The following ATP2C1 variants were observed in gnomAD, a reference collection of about 807,000 sequenced individuals.
ATP2C1 encodes the protein calcium-transporting ATPase type 2C member 1.
ATP2C1 carries 31 observed loss-of-function variants against 120.5 expected under a neutral mutation model. The observed-to-expected ratio is 0.26, with a 90% CI of 0.19 to 0.35. The LOEUF is 0.35. ATP2C1 is among the 10% of genes least tolerant of loss of function. The probability of loss-of-function intolerance (pLI) is 1.00; values close to 1 mark genes in which losing one functional copy is unlikely to be tolerated. For synonymous variants in ATP2C1, 351 were observed against 358.7 expected (o/e 0.98, Z 0.24); for missense variants, 731 against 1,107.5 (o/e 0.66, Z 4.83).
chr3:130,944,565 A>G (rs774496422), intron 8 of ATP2C1, among the ~76,000 whole-genome samples: 1 of 152,176 alleles, frequency 6.6e-6, no homozygotes, highest in Non-Finnish European at 1.5e-5. Flanking sequence ...GACCGCATCT[A>G]ACCCTGATTA....
chr3:130,955,856 A>G (rs767448545), intron 10 of ATP2C1: 13 of 387,994 alleles, frequency 3.4e-5, no homozygotes, highest in Non-Finnish European at 6.3e-5. Flanking sequence ...AAGCATAGAG[A>G]GAACGGACCT....
At chr3:130,967,996 T>C (rs7648090) in intron 16 of ATP2C1, among the ~76,000 whole-genome samples, 21 of 152,176 alleles carry the variant, frequency 1.4e-4, no homozygotes, top group African/African-American at 5.1e-4. Context: ...GTCCAGCCTG[T>C]CACTCATAAC....
chr3:130,962,443 A>G (rs2060860571), intron 12 of ATP2C1, among the ~76,000 whole-genome samples: 1 of 151,948 alleles, frequency 6.6e-6, no homozygotes, highest in South Asian at 2.1e-4. Context: ...TGAAATCAAT[A>G]TTTATAAGAT....
chr3:130,934,051 T>C (rs1400353119), intron 4 of ATP2C1, among the ~76,000 whole-genome samples: 1 of 152,220 alleles, frequency 6.6e-6, no homozygotes, highest in Admixed American at 6.5e-5. Flanking sequence ...AAATGCTTTC[T>C]GATCAGGTTG....
Position 130,967,133 on chromosome 3 carries a change from T to C in ATP2C1, c.1123-12T>C. On this transcript the variant is annotated splice_polypyrimidine_tract_variant and intron_variant, in intron 14 of 27. Transcript: ENST00000510168. ...AGTGTTTGTATTATTGATCCCACTT[T>C]GTGATCTTTAGGTTACTGGAGTTGG... 8 of 1,602,980 alleles carry C rather than the reference T, an allele frequency of 5.0e-6. No individual in the cohort carries two copies. Among genetic ancestry groups the C allele is most frequent in the Non-Finnish European group, 6.8e-6 (8 of 1,169,966 alleles).
At chr3:130,864,932 A>G (rs951682125) in intron 1 of ATP2C1, among the ~76,000 whole-genome samples, 20 of 152,276 alleles carry the variant, frequency 1.3e-4, no homozygotes, top group African/African-American at 4.3e-4. Flanking sequence ...CAGAGTCCCT[A>G]CTGGGGCACT....
At chr3:130,975,580 A>G (rs1362427389) in intron 18 of ATP2C1, 92 bp downstream of exon 18, 22 of 1,399,568 alleles carry the variant, frequency 1.6e-5, no homozygotes, top group East Asian at 9.9e-5. Flanking sequence ...GAGCTGTCCA[A>G]CTCACTTCCA....
Position 131,002,056 on chromosome 3 carries a change from C to T in ATP2C1, c.*706C>T, listed in dbSNP as rs1164084998. On this transcript the variant is annotated 3_prime_UTR_variant, in exon 28 of 28. Transcript: ENST00000510168. ...GGTATGTCTTTGGTTTGGCAGAATT[C>T]ATGCAGGGCTATCAAGTGGTGTTCT... The T allele has an allele frequency of 1.0e-6, 1 of 985,456 alleles. No individual in the cohort carries two copies. Among genetic ancestry groups the T allele is most frequent in the Non-Finnish European group, 1.2e-6 (1 of 829,854 alleles). The allele number at this position is 985,456 out of a possible 1,614,324, so 61.0% of individuals were successfully genotyped here.
rs114586988 is a variant in ATP2C1, at chr3:131,008,685, A to G, written c.2630-7467A>G. On this transcript the variant is annotated intron_variant, in intron 26 of 26. Transcript: ENST00000328560. ...GTAGAAAGTTTGCCTACTCATTTAG[A>G]TATTCAAAAAGAGGAAAATAGGCCC... 2.1e-3 allele frequency among the ~76,000 whole-genome samples: 318 copies of G among 152,270 alleles called. 1 individual carries two copies. Among genetic ancestry groups the G allele is most frequent in the African/African-American group, 7.2e-3 (301 of 41,556 alleles).
At chr3:130,952,041 A>G (rs1327519150) in intron 8 of ATP2C1, among the ~76,000 whole-genome samples, 1 of 152,118 alleles carries the variant, frequency 6.6e-6, no homozygotes, top group African/African-American at 2.4e-5. Context: ...TTTACATGAA[A>G]TCCACTCTCC....
chr3:130,900,738 C>T (rs545185679), intron 2 of ATP2C1, among the ~76,000 whole-genome samples: 2 of 152,192 alleles, frequency 1.3e-5, no homozygotes, highest in Non-Finnish European at 2.9e-5. Context: ...TTCTGTTATT[C>T]TCTGCCTAAG....
chr3:130,858,184 C>T (rs1338245735), intron 1 of ATP2C1, among the ~76,000 whole-genome samples: 2 of 152,112 alleles, frequency 1.3e-5, no homozygotes, highest in African/African-American at 4.8e-5. Context: ...TCTGCCTCTC[C>T]CTGTCCACTG....
intron 8 of ATP2C1, among the ~76,000 whole-genome samples, chr3:130,942,716 G>T (rs2059976628): frequency 6.6e-6 from 1 of 152,168 alleles, no homozygotes; most frequent in Non-Finnish European, 1.5e-5. Flanking sequence ...TATTGCAAGT[G>T]TTACTAATTT....
upstream of ATP2C1, among the ~76,000 whole-genome samples, chr3:130,891,839 C>CA (rs1288045345): frequency 1.3e-5 from 2 of 152,016 alleles, no homozygotes; most frequent in African/African-American, 4.8e-5. Flanking sequence ...GTGTGTATGA[C>CA]ATATATATGT....
intron 14 of ATP2C1, among the ~76,000 whole-genome samples, chr3:130,966,701 GT>G: frequency 6.6e-6 from 1 of 152,238 alleles, no homozygotes; most frequent in African/African-American, 2.4e-5. Flanking sequence ...TGATTTGTAA[GT>G]GCTAGCATAT....
chr3:130,929,447 G>A (rs965313291), intron 2 of ATP2C1, among the ~76,000 whole-genome samples: 38 of 152,030 alleles, frequency 2.5e-4, no homozygotes, highest in Admixed American at 9.2e-4. Context: ...AAAGTTTTAG[G>A]GAAATATTTT....
intron 27 of ATP2C1, 34 bp downstream of exon 27, chr3:130,999,693 T>A: frequency 6.4e-7 from 1 of 1,561,054 alleles, no homozygotes; most frequent in Non-Finnish European, 8.8e-7. Flanking sequence ...ATTTATGTAT[T>A]TTAGATAAAT....
At chr3:130,939,409 A>G (rs1053582089) in intron 6 of ATP2C1, among the ~76,000 whole-genome samples, 1 of 152,178 alleles carries the variant, frequency 6.6e-6, no homozygotes, top group Non-Finnish European at 1.5e-5. Context: ...ATTGTTTTAT[A>G]TAGTCGTAAT....
At chr3:130,924,838 T>C (rs1315709029) in intron 2 of ATP2C1, among the ~76,000 whole-genome samples, 1 of 152,048 alleles carries the variant, frequency 6.6e-6, no homozygotes, top group African/African-American at 2.4e-5. Context: ...CTGAAGTTCT[T>C]TCTTCTGCTT....
Sources: allele counts gnomAD v4.1 joint callset (sites outside exome capture counted in the v4.1 genomes callset), GRCh38; gene constraint gnomAD v4.1.1; transcripts MANE v1.5; gene names NCBI Gene and HGNC (gene_info 2026-07-23, HGNC 2026-07-21).